The following KIF1B variants were observed in gnomAD, a reference collection of about 807,000 sequenced individuals.
KIF1B encodes kinesin family member 1B.
Under a neutral mutation model 241.9 loss-of-function variants are expected in KIF1B, and 76 were observed. That is an observed-to-expected ratio of 0.31 (90% confidence interval 0.26 to 0.38). The LOEUF (loss-of-function observed/expected upper bound fraction) is 0.38. Ranked by LOEUF, KIF1B falls within the 10% of genes least tolerant of loss-of-function variation. The pLI is 1.00. For synonymous variants in KIF1B, 750 were observed against 796.7 expected, an observed-to-expected ratio of 0.94 and a Z score of 0.99; for missense variants, 1,622 against 2,271.4, an observed-to-expected ratio of 0.71 and a Z score of 5.81.
intron 10 of KIF1B, among the ~76,000 whole-genome samples, chr1:10,274,494 T>G (rs1648994753): frequency 6.6e-6 from 1 of 152,220 alleles, no homozygotes; most frequent in Non-Finnish European, 1.5e-5. Flanking sequence ...TTCTTAGACC[T>G]TTTTACTTTT....
chr1:10,342,096 A>G lies in KIF1B; in HGVS notation c.3560A>G (p.Lys1187Arg), dbSNP rs775291429. ...TCATTTGTGGATTACATCAAAACCA[A>G]GCCTATTGTATTTGAAGTCTTTGGG... Reference protein sequence around the residue: ...TESFVDYIKTKPIVFEVFGHY... With the variant: ...TESFVDYIKTRPIVFEVFGHY... The change falls in exon 33 of 49, where the codon AAG becomes AGG. Residue 1187 changes from lysine (K) to arginine (R), a missense_variant. Coordinates refer to ENST00000676179, the MANE Select transcript of KIF1B (RefSeq NM_001365951.3). 15 of 1,613,772 alleles carry G rather than the reference A, an allele frequency of 9.3e-6. No individual in the cohort carries two copies. In the Admixed American group the frequency reaches 1.8e-4, roughly 20 times the overall value.
chr1:10,303,546 A>G lies in KIF1B; in HGVS notation c.2115+6300A>G. The G allele has an allele frequency of 6.2e-7, 1 of 1,614,214 alleles. No individual in the cohort carries two copies. The highest frequency in any genetic ancestry group is 8.5e-7 in the Non-Finnish European group (1 of 1,180,028). ...CCAATGAGCGGGACTCCTGGAGGGC[A>G]GTGGCCAGGGACGTCTGGGATACCG... is the stretch of plus-strand genomic sequence containing the variant. On this transcript the variant is annotated intron_variant, in intron 22 of 48. Transcript: ENST00000676179. The surrounding 1 kb of genome is among the most constrained non-coding windows in gnomAD (Gnocchi z 5.2).
intron 24 of KIF1B, among the ~76,000 whole-genome samples, chr1:10,323,602 CAG>C (rs773091681): frequency 3.4e-4 from 51 of 152,168 alleles, no homozygotes; most frequent in Non-Finnish European, 6.5e-4. Flanking sequence ...GCCTGGGTGA[CAG>C]AGTGTAACCT....
At chr1:10,339,902 T>G in intron 32 of KIF1B, 43 bp downstream of exon 32, 1 of 1,524,180 alleles carries the variant, frequency 6.6e-7, no homozygotes, top group Non-Finnish European at 9.1e-7. Context: ...GTTTTTCTGG[T>G]ACCTTGGCTT....
chr1:10,306,679 C>T, intron 22 of KIF1B: 1 of 802,700 alleles, frequency 1.2e-6, no homozygotes, highest in East Asian at 6.0e-5. Context: ...CCAAAACTCC[C>T]AGGCTGATCA....
chr1:10,369,089 C>T (rs1638651503), intron 44 of KIF1B, among the ~76,000 whole-genome samples: 1 of 152,164 alleles, frequency 6.6e-6, no homozygotes, highest in Non-Finnish European at 1.5e-5. Flanking sequence ...TTTTCTACTC[C>T]ATTATCACCT....
Position 10,380,731 on chromosome 1 carries a change from C to A in KIF1B, c.*4144C>A, listed in dbSNP as rs1299533678. 1.9e-5 allele frequency: 4 copies of A among 213,276 alleles called. No homozygotes were observed. The highest frequency in any genetic ancestry group is 3.8e-5 in the Non-Finnish European group (4 of 105,316). The allele number at this position is 213,276 out of a possible 1,614,324, so 13.2% of individuals were successfully genotyped here. On this transcript the variant is annotated 3_prime_UTR_variant, in exon 49 of 49. Transcript: ENST00000676179. ...AAAAAAAAAGAAAAGATTCATGATG[C>A]TGCTGCTCCCAGAAGGTTTGCTGGA...
Position 10,267,573 on chromosome 1 carries a change from A to G in KIF1B, c.608+15A>G. On this transcript the variant is annotated intron_variant, in intron 6 of 48. Transcript: ENST00000676179. ...AACAAAGCCAGGTATGGTAGGAAAT[A>G]GAGTAATGACTGAGGTCTTTGGCAC... 6.2e-7 allele frequency: 1 copy of G among 1,613,690 alleles called. No homozygotes were observed. Among genetic ancestry groups the G allele is most frequent in the Non-Finnish European group, 8.5e-7 (1 of 1,179,600 alleles).
chr1:10,359,357 G>C (rs981683546), intron 38 of KIF1B, among the ~76,000 whole-genome samples: 2 of 152,118 alleles, frequency 1.3e-5, no homozygotes, highest in African/African-American at 4.8e-5. Flanking sequence ...AGTGATGGTG[G>C]GGCAGACCAG....
At chr1:10,349,293 G>A (rs1652702071) in intron 37 of KIF1B, among the ~76,000 whole-genome samples, 1 of 152,048 alleles carries the variant, frequency 6.6e-6, no homozygotes, top group Admixed American at 6.5e-5. Flanking sequence ...AAATTAGCTG[G>A]GCATGGTGGC....
chr1:10,370,670 T>G (rs900289400), intron 44 of KIF1B, among the ~76,000 whole-genome samples: 3 of 142,650 alleles, frequency 2.1e-5, no homozygotes, highest in African/African-American at 7.8e-5. Context: ...ATAATAATAA[T>G]GACAACAATA....
chr1:10,258,778 TATGTC>T lies in KIF1B; in HGVS notation c.363+108_363+112del, dbSNP rs1647944527. The stretch of plus-strand genomic sequence containing the variant: ...GCGAACATTTATGCGGGGATTGTTT[TATGTC>T]AGGCACAAAGATGAACAACCCATTA... On this transcript the variant is annotated intron_variant, in intron 4 of 48. Transcript: ENST00000676179. 11 of 1,133,390 alleles carry T rather than the reference TATGTC, an allele frequency of 9.7e-6. No homozygotes were observed. In the Admixed American group the frequency reaches 1.2e-4, roughly 12 times the overall value. 70.2% of individuals were successfully genotyped at this position (1,133,390 alleles called of 1,614,324 possible).
intron 15 of KIF1B, 35 bp downstream of exon 15, chr1:10,282,568 T>C (rs1344009566): frequency 6.5e-7 from 1 of 1,533,826 alleles, no homozygotes; most frequent in Admixed American, 1.7e-5. Flanking sequence ...CAAGGTATTC[T>C]ATGTAGCTCC....
intron 9 of KIF1B, chr1:10,272,584 T>G: frequency 1.9e-6 from 1 of 519,842 alleles, no homozygotes. Context: ...TATTTTATGT[T>G]TCTCACAAAA....
chr1:10,357,839 T>G (rs1248372269), intron 38 of KIF1B, among the ~76,000 whole-genome samples: 1 of 151,886 alleles, frequency 6.6e-6, no homozygotes, highest in Non-Finnish European at 1.5e-5. Context: ...TGAAACCCCA[T>G]CTCTACTAAA....
chr1:10,272,359 TTGA>T lies in KIF1B; in HGVS notation c.864+58_864+60del, dbSNP rs933124727. 2.8e-6 allele frequency: 3 copies of T among 1,067,850 alleles called. No homozygotes were observed. In the Admixed American group the frequency reaches 5.1e-5, roughly 18 times the overall value. The allele number at this position is 1,067,850 out of a possible 1,614,324, so 66.1% of individuals were successfully genotyped here. ...AGTTGTGTCTGTTCAGCAAATATACTTGATGATATTTTATTATTGTTTATGAAG... is the reference window on the plus strand; with the variant it reads ...AGTTGTGTCTGTTCAGCAAATATACTTGATATTTTATTATTGTTTATGAAG... On this transcript the variant is annotated intron_variant, in intron 9 of 48. Transcript: ENST00000676179.
rs1468721966 is a variant in KIF1B at position 10,326,289 on chromosome 1, G to C, written c.2854G>C (p.Gly952Arg). The C allele has an allele frequency of 4.3e-6, 7 of 1,614,216 alleles. No homozygotes were observed. Among genetic ancestry groups the C allele is most frequent in the Non-Finnish European group, 5.9e-6 (7 of 1,180,036 alleles). ...CGGCTCTGACGCAGGGACGGAGGAG[G>C]GATCAGATCTCTTCAGTGACGGGCA... ...DAGSDAGTEE[G>R]SDLFSDGHDP... is the part of the protein sequence containing the mutation. The change falls in exon 27 of 49, where the codon GGA becomes CGA. Residue 952 changes from glycine to arginine, a missense_variant. Physicochemically the swap from Gly to Arg is moderately radical, Grantham distance 125. Transcript: ENST00000676179. The surrounding 1 kb of genome is among the most constrained non-coding windows in gnomAD (Gnocchi z 5.2).
intron 22 of KIF1B, chr1:10,306,860 A>G (rs1650856752): frequency 9.6e-7 from 1 of 1,044,030 alleles, no homozygotes; most frequent in Admixed American, 5.6e-5. Flanking sequence ...TTGAGATAAC[A>G]TAGGGTAGGT....
intron 3 of KIF1B, among the ~76,000 whole-genome samples, chr1:10,257,828 A>C (rs776430071): frequency 6.6e-6 from 1 of 152,036 alleles, no homozygotes; most frequent in Non-Finnish European, 1.5e-5. Context: ...GGCAGGTGCC[A>C]CCACACCCGG....
Sources: gnomAD v4.1 joint callset for allele counts (sites outside exome capture counted in the v4.1 genomes callset) on GRCh38, gnomAD v4.1.1 for gene constraint, Gnocchi (gnomAD v3.1) non-coding constraint, MANE v1.5 for transcripts, NCBI Gene and HGNC (gene_info 2026-07-23, HGNC 2026-07-21) for gene names.